Variants in ROCK1 observed in about 807,000 individuals in gnomAD.
ROCK1 encodes rho-associated protein kinase 1.
In ROCK1, 36 loss-of-function variants were observed where a neutral mutation model predicts 196.8. The observed-to-expected ratio is 0.18, with a 90% CI of 0.14 to 0.24. The LOEUF is 0.24. ROCK1 is among the 10% of genes least tolerant of loss of function. The pLI, the probability that ROCK1 is intolerant of heterozygous loss-of-function variation, is 1.00. For missense variants in ROCK1, 920 were observed against 1,562.0 expected (o/e 0.59, Z 6.93); for synonymous variants, 443 against 515.9 (o/e 0.86, Z 1.91).
At position 20,986,863 on chromosome 18, in the gene ROCK1, G is replaced by A; in HGVS notation, c.2304+87C>T. On this transcript the variant is annotated intron_variant, in intron 19 of 32. Transcript: ENST00000399799. ...TTATTTCATTCAAATCTCCTTCATG[G>A]TGTTTAAATTATAGATAACTCCAGT... is the stretch of plus-strand genomic sequence containing the variant. 5 of 1,150,392 alleles carry A rather than the reference G, an allele frequency of 4.3e-6. No homozygotes were observed. The South Asian group carries it at 6.2e-5, about 14-fold the overall frequency. 71.3% of individuals were successfully genotyped at this position (1,150,392 alleles called of 1,614,324 possible).
intron 16 of ROCK1, among the ~76,000 whole-genome samples, chr18:20,995,353 C>T (rs949278765): frequency 6.6e-6 from 1 of 152,220 alleles, no homozygotes; most frequent in Non-Finnish European, 1.5e-5. Flanking sequence ...GAAGCCTCCA[C>T]CGATTGTCCT....
intron 22 of ROCK1, among the ~76,000 whole-genome samples, chr18:20,973,636 G>A (rs2035451584): frequency 1.3e-5 from 2 of 152,104 alleles, no homozygotes; most frequent in Non-Finnish European, 1.5e-5. Flanking sequence ...TTAGATAAGA[G>A]CGTTAGCTCA....
intron 16 of ROCK1, among the ~76,000 whole-genome samples, chr18:21,001,334 T>C (rs907441242): frequency 1.3e-5 from 2 of 152,180 alleles, no homozygotes; most frequent in African/African-American, 4.8e-5. Context: ...ATGAAATGTT[T>C]TGGAACCACA....
intron 2 of ROCK1, among the ~76,000 whole-genome samples, chr18:21,065,365 T>C (rs1383410211): frequency 6.6e-6 from 1 of 152,176 alleles, no homozygotes; most frequent in Non-Finnish European, 1.5e-5. Context: ...AGTTCTGTTT[T>C]TTTTTTAAGC....
At chr18:21,059,976 G>C (rs977260256) in intron 2 of ROCK1, among the ~76,000 whole-genome samples, 1 of 152,212 alleles carries the variant, frequency 6.6e-6, no homozygotes, top group African/African-American at 2.4e-5. Flanking sequence ...TGTCTCTATA[G>C]AGTCGGCAAA....
chr18:21,069,881 A>C (rs1354928649), intron 2 of ROCK1, among the ~76,000 whole-genome samples: 1 of 152,036 alleles, frequency 6.6e-6, no homozygotes, highest in Non-Finnish European at 1.5e-5. Context: ...TGAAAAACTA[A>C]AAGATCATAA....
chr18:21,068,104 T>C (rs1338546751), intron 2 of ROCK1, among the ~76,000 whole-genome samples: 1 of 152,226 alleles, frequency 6.6e-6, no homozygotes, highest in Non-Finnish European at 1.5e-5. Context: ...TTTTCAAAAA[T>C]GGTTTGTGTT....
Position 21,110,901 on chromosome 18 carries a change from C to A in ROCK1, c.10G>T (p.Gly4Trp). Residue 4 changes from glycine to tryptophan, a missense_variant, in exon 1 of 33, where the codon GGG becomes TGG. Transcript: ENST00000399799. MST[G>W]DSFETRFEKM... Reference sequence around the variant, plus strand: ...TCAAATCGAGTCTCAAAACTGTCCCCAGTCGACATGTTGCTGCTGCTGTGA... The same window carrying A: ...TCAAATCGAGTCTCAAAACTGTCCCAAGTCGACATGTTGCTGCTGCTGTGA... The A allele has an allele frequency of 6.2e-7, 1 of 1,613,944 alleles. No individual in the cohort carries two copies. The highest frequency in any genetic ancestry group is 2.2e-5 in the East Asian group (1 of 44,874).
chr18:21,078,373 C>CACACACACAGAG (rs1491188980), intron 1 of ROCK1, among the ~76,000 whole-genome samples: 22 of 66,228 alleles, frequency 3.3e-4, no homozygotes, highest in Admixed American at 5.8e-4. Flanking sequence ...CACACACACA[C>CACACACACAGAG]AGAGAGAGAG....
chr18:21,105,854 G>A (rs2036698495), intron 1 of ROCK1, among the ~76,000 whole-genome samples: 1 of 152,064 alleles, frequency 6.6e-6, no homozygotes, highest in Admixed American at 6.6e-5. Flanking sequence ...CTGTAAGAAT[G>A]GATGAATTCT....
intron 16 of ROCK1, among the ~76,000 whole-genome samples, chr18:20,997,138 A>C (rs2035678378): frequency 6.6e-6 from 1 of 152,182 alleles, no homozygotes; most frequent in South Asian, 2.1e-4. Context: ...TAAACTGCCC[A>C]ATCGAAAGAC....
At chr18:20,967,199 C>T in intron 26 of ROCK1, 123 bp from the exon 27 acceptor site, 1 of 653,980 alleles carries the variant, frequency 1.5e-6, no homozygotes, top group South Asian at 2.2e-5. Context: ...TGAATGTTTG[C>T]TACCACAGAT....
intron 9 of ROCK1, among the ~76,000 whole-genome samples, chr18:21,035,658 T>C (rs1245569422): frequency 2.0e-5 from 3 of 152,218 alleles, no homozygotes; most frequent in Non-Finnish European, 4.4e-5. Context: ...ATTCTACTGT[T>C]TGTTATTCAC....
rs2036117591 is a variant in ROCK1, at chr18:21,042,696, C to T, written c.689G>A (p.Arg230Gln). The change falls in exon 7 of 33, where the codon CGA becomes CAA. Residue 230 changes from arginine (R) to glutamine (Q), a missense_variant. Arg to Gln is a conservative substitution (Grantham distance 43). This residue lies in a region of ROCK1 where 234 missense variants were observed against 460.7 expected (regional missense o/e 0.51). Coordinates refer to ENST00000399799, the MANE Select transcript of ROCK1 (RefSeq NM_005406.3). ...CMKMNKEGMV[R>Q]CDTAVGTPDY... ...AGGTGTTCCAACCGCTGTATCACAT[C>T]GTACCATGCCTTCCTAAAAAGCGCG... is the stretch of plus-strand genomic sequence containing the variant. 1.2e-6 allele frequency: 2 copies of T among 1,604,802 alleles called. No homozygotes were observed. The highest frequency in any genetic ancestry group is 8.5e-7 in the Non-Finnish European group (1 of 1,176,626).
At chr18:21,043,100 G>A (rs905282956) in intron 6 of ROCK1, among the ~76,000 whole-genome samples, 1 of 151,998 alleles carries the variant, frequency 6.6e-6, no homozygotes, top group African/African-American at 2.4e-5. Context: ...CAAGTACACA[G>A]GCCAGTGCAA....
chr18:21,029,443 T>A (rs2035987901), intron 9 of ROCK1, among the ~76,000 whole-genome samples: 1 of 152,198 alleles, frequency 6.6e-6, no homozygotes, highest in Non-Finnish European at 1.5e-5. Context: ...AGAATCCAGA[T>A]GATCAATACT....
chr18:21,019,370 G>A (rs2035892493), intron 12 of ROCK1, among the ~76,000 whole-genome samples: 1 of 152,082 alleles, frequency 6.6e-6, no homozygotes, highest in South Asian at 2.1e-4. Context: ...GGCCTGGCTG[G>A]TCTTGAACTC....
At chr18:21,056,400 A>G (rs1282080528) in intron 2 of ROCK1, among the ~76,000 whole-genome samples, 2 of 152,184 alleles carry the variant, frequency 1.3e-5, no homozygotes, top group African/African-American at 4.8e-5. Context: ...GCTCAGGACA[A>G]AAACCTAGGG....
rs769219889 is a variant in ROCK1 at position 21,039,474 on chromosome 18, T to C, written c.1049A>G (p.Asp350Gly). The C allele has an allele frequency of 1.2e-6, 2 of 1,610,498 alleles. No homozygotes were observed. Among genetic ancestry groups the C allele is most frequent in the Admixed American group, 1.7e-5 (1 of 59,800 alleles). Reference sequence around the variant, plus strand: ...ATGAAAGAAAAAAAAAAACTTACTGTCTCGGAGCGTTTCCCAAGCCCACTG... The same window carrying C: ...ATGAAAGAAAAAAAAAAACTTACTGCCTCGGAGCGTTTCCCAAGCCCACTG... ...NDQWAWETLR[D>G]TVAPVVPDLS... The change falls in exon 9 of 33, where the codon GAC becomes GGC. Residue 350 changes from aspartate to glycine, a missense_variant and splice_region_variant. This residue lies in a region of ROCK1 where 234 missense variants were observed against 460.7 expected (regional missense o/e 0.51). Transcript: ENST00000399799.
Sources: allele counts gnomAD v4.1 joint callset (sites outside exome capture counted in the v4.1 genomes callset), GRCh38; gene constraint gnomAD v4.1.1; regional missense constraint gnomAD v4.1.1; transcripts MANE v1.5; gene names NCBI Gene and HGNC (gene_info 2026-07-23, HGNC 2026-07-21).